RBM22: variants seen among roughly 807,000 people sequenced by gnomAD.
RBM22 encodes the protein pre-mRNA-splicing factor RBM22.
In RBM22, 1 loss-of-function variant was observed where a neutral mutation model predicts 50.1. The ratio of observed to expected loss-of-function variants is 0.02; its 90% CI spans 0.01 to 0.09. The LOEUF (loss-of-function observed/expected upper bound fraction) is 0.09, where lower values mean the gene tolerates loss of function less well. Ranked by LOEUF, RBM22 falls within the 10% of genes least tolerant of loss-of-function variation. The pLI is 1.00. For missense variants in RBM22, 264 were observed against 529.3 expected, an observed-to-expected ratio of 0.50 and a Z score of 4.92; for synonymous variants, 152 against 179.0, an observed-to-expected ratio of 0.85 and a Z score of 1.20.
At chr5:150,692,071 C>T (rs1234008952) in intron 10 of RBM22, among the ~76,000 whole-genome samples, 190 bp from the exon 11 acceptor site, 1 of 152,158 alleles carries the variant, frequency 6.6e-6, no homozygotes, top group Admixed American at 6.5e-5. Flanking sequence ...CCCCCACAGT[C>T]CAAAAAACTC....
intron 4 of RBM22, among the ~76,000 whole-genome samples, 153 bp downstream of exon 4, chr5:150,698,346 A>G (rs565352811): frequency 7.2e-5 from 11 of 152,270 alleles, no homozygotes; most frequent in African/African-American, 2.6e-4. Flanking sequence ...AGAGTGGCCT[A>G]ATTATGGTTC....
rs1400690269 is a variant in RBM22 at position 150,700,985 on chromosome 5, TC to T, written c.-1del. On this transcript the variant is annotated 5_prime_UTR_variant, in exon 1 of 11. Coordinates refer to ENST00000199814, the MANE Select transcript of RBM22 (RefSeq NM_018047.3). ...GTGTTGGAACCCAGAGAGGTCGCCA[TC>T]TTGAGAGCGTCCGGAGGTAGCTGTA... 11 of 1,614,066 alleles carry T rather than the reference TC, an allele frequency of 6.8e-6. No homozygotes were observed. The African/African-American group carries it at 1.5e-4, about 22-fold the overall frequency.
At chr5:150,695,205 T>C (rs1417187591) in intron 7 of RBM22, 1 of 273,708 alleles carries the variant, frequency 3.7e-6, no homozygotes, top group Non-Finnish European at 7.0e-6. Context: ...TTTTTTGATT[T>C]CTTAGTAGAG....
intron 1 of RBM22, 101 bp from the exon 2 acceptor site, chr5:150,700,598 C>A (rs1225196746): frequency 6.3e-7 from 1 of 1,577,466 alleles, no homozygotes; most frequent in Non-Finnish European, 8.6e-7. Flanking sequence ...GGGTGGGGAA[C>A]TAGGCACGGC....
chr5:150,692,685 T>C (rs1030555947), intron 10 of RBM22, among the ~76,000 whole-genome samples: 7 of 152,172 alleles, frequency 4.6e-5, no homozygotes, highest in South Asian at 4.1e-4. Flanking sequence ...TGCTGACACA[T>C]ATACGCGGAT....
chr5:150,700,544 T>C, intron 1 of RBM22, 47 bp from the exon 2 acceptor site: 1 of 1,613,250 alleles, frequency 6.2e-7, no homozygotes, highest in Non-Finnish European at 8.5e-7. Flanking sequence ...CCGAAGACCC[T>C]GACACCTCAG....
In RBM22 at chr5:150,695,703, A is replaced by G. The variant is rs1427722616; in HGVS notation, c.549T>C (p.His183=). The change falls in exon 7 of 11, where the codon CAT becomes CAC. Residue 183 remains histidine, a synonymous_variant. Transcript: ENST00000199814. The part of the protein sequence containing the change: ...CKRGEECPYR[H]EKPTDPDDPL... ...GGTCATCTGGATCTGTAGGCTTCTC[A>G]TGTCTATGATTCAAGAAAAAAACAA... The G allele has an allele frequency of 4.4e-6, 7 of 1,604,898 alleles. No homozygotes were observed. Among genetic ancestry groups the G allele is most frequent in the Middle Eastern group, 2.2e-4 (1 of 4,476 alleles).
rs1352264789 is a variant in RBM22 at position 150,696,580 on chromosome 5, G to T, written c.498C>A (p.Ser166=). ...YYKRNRPHIC[S]FWVKGECKRG... ...TCTTACACTCTCCTTTCACCCAGAA[G>T]GAGCAAATGTGGGGTCGATTCCTTT... Residue 166 remains serine (S), a synonymous_variant, in exon 6 of 11, where the codon TCC becomes TCA. Coordinates refer to ENST00000199814, the MANE Select transcript of RBM22 (RefSeq NM_018047.3). The surrounding 1 kb of genome is among the most constrained non-coding windows in gnomAD (Gnocchi z 4.3). 5 of 1,613,984 alleles carry T rather than the reference G, an allele frequency of 3.1e-6. No homozygotes were observed. In the Admixed American group the frequency reaches 8.3e-5, roughly 27 times the overall value.
At chr5:150,695,994 C>G (rs1414740784) in intron 6 of RBM22, among the ~76,000 whole-genome samples, 1 of 149,176 alleles carries the variant, frequency 6.7e-6, no homozygotes, top group African/African-American at 2.5e-5. Flanking sequence ...CTCCCGCCCC[C>G]CAGAAAGGGA....
At position 150,696,697 on chromosome 5, in the gene RBM22, G is replaced by C. The variant is rs1181777933; in HGVS notation, c.381C>G (p.Asn127Lys). ...TGCCAACTGGCCGTGTTCCATCAGA[G>C]TTAGAAATCTAAGTGGGGATGACAA... is the stretch of plus-strand genomic sequence containing the variant. Reference protein sequence around the residue: ...YTQNMEREISNSDGTRPVGML... With the variant: ...YTQNMEREISKSDGTRPVGML... Residue 127 changes from asparagine (N) to lysine (K), a missense_variant, in exon 6 of 11, where the codon AAC becomes AAG. Coordinates refer to ENST00000199814, the MANE Select transcript of RBM22 (RefSeq NM_018047.3). The surrounding 1 kb of genome is among the most constrained non-coding windows in gnomAD (Gnocchi z 4.3). The C allele has an allele frequency of 6.2e-7, 1 of 1,614,180 alleles. No homozygotes were observed. The highest frequency in any genetic ancestry group is 2.2e-5 in the East Asian group (1 of 44,882).
intron 2 of RBM22, among the ~76,000 whole-genome samples, chr5:150,699,808 A>T (rs560849625): frequency 6.6e-6 from 1 of 152,318 alleles, no homozygotes; most frequent in Admixed American, 6.5e-5. Context: ...GTTTAGTCAA[A>T]AGGTAGCTAC....
At chr5:150,699,107 A>G (rs1759312456) in intron 3 of RBM22, 135 bp downstream of exon 3, 2 of 1,220,442 alleles carry the variant, frequency 1.6e-6, no homozygotes, top group Non-Finnish European at 2.2e-6. Context: ...GCCAATGAAT[A>G]TATCAGTAAT....
At chr5:150,693,999 C>T in intron 8 of RBM22, 77 bp downstream of exon 8, 1 of 1,538,594 alleles carries the variant, frequency 6.5e-7, no homozygotes, top group Non-Finnish European at 8.8e-7. Flanking sequence ...TAACCAAAAG[C>T]CTACTAGTCT....
At chr5:150,691,986 T>G in intron 10 of RBM22, 105 bp from the exon 11 acceptor site, 1 of 1,235,014 alleles carries the variant, frequency 8.1e-7, no homozygotes. Context: ...TAAATCAAGG[T>G]TGACACGGGG....
chr5:150,694,004 T>C lies in RBM22; in HGVS notation c.911+72A>G, dbSNP rs1018899902. 4.9e-5 allele frequency: 76 copies of C among 1,553,404 alleles called. No homozygotes were observed. The African/African-American group carries it at 8.6e-4, about 18-fold the overall frequency. On this transcript the variant is annotated intron_variant, in intron 8 of 10. Coordinates refer to ENST00000199814, the MANE Select transcript of RBM22 (RefSeq NM_018047.3). ...TTAAGCCTGTTAACCAAAAGCCTAC[T>C]AGTCTCCAGAAAATGAAATAGTTTC...
At chr5:150,700,652 T>C in intron 1 of RBM22, 155 bp from the exon 2 acceptor site, 1 of 1,530,482 alleles carries the variant, frequency 6.5e-7, no homozygotes, top group Non-Finnish European at 8.8e-7. Context: ...GAGGGGGCGC[T>C]GTCTGCACTT....
intron 4 of RBM22, 85 bp downstream of exon 4, chr5:150,698,414 T>C: frequency 1.3e-6 from 2 of 1,495,882 alleles, no homozygotes; most frequent in Non-Finnish European, 1.8e-6. Context: ...GAACCAGAGC[T>C]AGGGTGCGAA....
In RBM22 at chr5:150,695,187, C is replaced by T. The variant is rs181071396; in HGVS notation, c.746+319G>A. 9 of 242,706 alleles carry T rather than the reference C, an allele frequency of 3.7e-5. No homozygotes were observed. In the East Asian group the frequency reaches 6.2e-4, roughly 17 times the overall value. The allele number at this position is 242,706 out of a possible 1,614,324, so 15.0% of individuals were successfully genotyped here. On this transcript the variant is annotated intron_variant, in intron 7 of 10. Coordinates refer to ENST00000199814, the MANE Select transcript of RBM22 (RefSeq NM_018047.3). ...GACTACAGGCACATGCCACCACACC[C>T]GGCTAATTTTTTTGATTTCTTAGTA...
At chr5:150,698,240 GCCTTTTAC>G (rs2151457513) in intron 4 of RBM22, among the ~76,000 whole-genome samples, 1 of 152,276 alleles carries the variant, frequency 6.6e-6, no homozygotes, top group South Asian at 2.1e-4. Context: ...TAGGATCAAC[GCCTTTTAC>G]CTCACTTGGG....
Sources: allele counts gnomAD v4.1 joint callset (sites outside exome capture counted in the v4.1 genomes callset), GRCh38; gene constraint gnomAD v4.1.1; non-coding constraint Gnocchi (gnomAD v3.1); transcripts MANE v1.5; gene names NCBI Gene and HGNC (gene_info 2026-07-23, HGNC 2026-07-21).